Variants in ANKHD1 observed in about 807,000 individuals in gnomAD.
The protein encoded by ANKHD1 is ankyrin repeat and KH domain-containing protein 1.
In ANKHD1, 31 loss-of-function variants were observed where a neutral mutation model predicts 230.5. The ratio of observed to expected loss-of-function variants is 0.13; its 90% CI spans 0.10 to 0.18. The LOEUF (loss-of-function observed/expected upper bound fraction) is 0.18. Among genes scored for constraint, ANKHD1 ranks in the 10% least tolerant of loss-of-function variants. The pLI, the probability that ANKHD1 is intolerant of heterozygous loss-of-function variation, is 1.00. For synonymous variants in ANKHD1, 1,074 were observed against 1,117.6 expected (o/e 0.96, Z 0.78); for missense variants, 2,256 against 3,071.3 (o/e 0.73, Z 6.27).
chr5:140,515,757 A>C (rs1423208564), intron 24 of ANKHD1, among the ~76,000 whole-genome samples: 1 of 152,210 alleles, frequency 6.6e-6, no homozygotes, highest in Non-Finnish European at 1.5e-5. Context: ...AAGGAAAACT[A>C]ACAAACAGAA....
intron 1 of ANKHD1, among the ~76,000 whole-genome samples, chr5:140,427,768 G>T (rs1214571021): frequency 2.6e-5 from 4 of 150,966 alleles, no homozygotes; most frequent in Admixed American, 1.3e-4. Context: ...CTGGCCGGGC[G>T]GGGGGCTGAT....
At chr5:140,429,240 C>A (rs1185747534) in intron 1 of ANKHD1, among the ~76,000 whole-genome samples, 1 of 151,314 alleles carries the variant, frequency 6.6e-6, no homozygotes, top group Non-Finnish European at 1.5e-5. Flanking sequence ...ACTACAGGCG[C>A]CTGCCACCAC....
rs751828629 is a variant in ANKHD1, at chr5:140,527,833, A to G, written c.5088-40A>G. On this transcript the variant is annotated intron_variant, in intron 27 of 33. Coordinates refer to ENST00000360839, the MANE Select transcript of ANKHD1 (RefSeq NM_017747.3). This position sits in a 1 kb window ranked among gnomAD's most constrained non-coding sequence, Gnocchi z 4.5. ...AAGACATCTTTCTTAATAAAGAGACATTTAATTTCATAAGCTCATGTGTAT... is the reference window on the plus strand; with the variant it reads ...AAGACATCTTTCTTAATAAAGAGACGTTTAATTTCATAAGCTCATGTGTAT... The G allele has an allele frequency of 2.5e-6, 4 of 1,574,616 alleles. No homozygotes were observed. The highest frequency in any genetic ancestry group is 3.4e-6 in the Non-Finnish European group (4 of 1,160,072).
chr5:140,468,648 T>G (rs1467988079), intron 10 of ANKHD1, among the ~76,000 whole-genome samples: 1 of 152,178 alleles, frequency 6.6e-6, no homozygotes, highest in East Asian at 1.9e-4. Flanking sequence ...ATTGTGTATC[T>G]CTCTAGACAT....
At chr5:140,440,057 A>T in intron 3 of ANKHD1, 62 bp from the exon 4 acceptor site, 1 of 1,444,258 alleles carries the variant, frequency 6.9e-7, no homozygotes. Context: ...ATTTAATATA[A>T]TTTATCATAG....
chr5:140,491,957 T>A (rs1404901516), intron 14 of ANKHD1, among the ~76,000 whole-genome samples: 1 of 152,196 alleles, frequency 6.6e-6, no homozygotes, highest in Non-Finnish European at 1.5e-5. Context: ...TAAAGAGATG[T>A]TTTAAAAAAG....
At chr5:140,524,932 C>A in intron 25 of ANKHD1, 1 of 332,772 alleles carries the variant, frequency 3.0e-6, no homozygotes, top group Non-Finnish European at 6.0e-6. Context: ...AACCCCGTCT[C>A]TACTTAAAAA....
intron 1 of ANKHD1, among the ~76,000 whole-genome samples, chr5:140,424,139 A>G (rs971928820): frequency 4.6e-5 from 7 of 152,156 alleles, no homozygotes; most frequent in African/African-American, 1.7e-4. Flanking sequence ...CTTAGAACAT[A>G]TCAAGCTCTT....
chr5:140,533,574 C>G (rs758628814), intron 29 of ANKHD1, among the ~76,000 whole-genome samples: 1 of 151,582 alleles, frequency 6.6e-6, no homozygotes, highest in Non-Finnish European at 1.5e-5. Context: ...ACTCCAGCCT[C>G]GGCAACAGAG....
At chr5:140,427,795 C>T (rs1310527986) in intron 1 of ANKHD1, among the ~76,000 whole-genome samples, 9 of 151,380 alleles carry the variant, frequency 5.9e-5, no homozygotes, top group East Asian at 2.0e-4. Context: ...ACCTCCCTCC[C>T]GGACAGGGTG....
At chr5:140,503,807 C>T (rs1033186194) in intron 15 of ANKHD1, among the ~76,000 whole-genome samples, 6 of 151,698 alleles carry the variant, frequency 4.0e-5, no homozygotes, top group African/African-American at 1.5e-4. Flanking sequence ...CCCTCCTGAC[C>T]TGAGGTGATC....
intron 5 of ANKHD1, 35 bp downstream of exon 5, chr5:140,441,177 A>G (rs1353158776): frequency 1.4e-6 from 2 of 1,480,128 alleles, no homozygotes; most frequent in Non-Finnish European, 1.8e-6. Flanking sequence ...TGGGAGAAAA[A>G]ATTGACATAA....
intron 5 of ANKHD1, among the ~76,000 whole-genome samples, chr5:140,442,416 C>A (rs142416894): frequency 6.6e-6 from 1 of 151,938 alleles, no homozygotes; most frequent in Non-Finnish European, 1.5e-5. Flanking sequence ...TTTTTCCACA[C>A]GTGGGGGAGG....
intron 5 of ANKHD1, among the ~76,000 whole-genome samples, chr5:140,444,185 C>T (rs527592782): frequency 6.5e-4 from 97 of 149,496 alleles, no homozygotes; most frequent in African/African-American, 2.0e-3. Context: ...TGGGCTCCTC[C>T]GTACACTCTC....
chr5:140,443,822 G>A (rs1357434488), intron 5 of ANKHD1, among the ~76,000 whole-genome samples: 1 of 152,050 alleles, frequency 6.6e-6, no homozygotes, highest in African/African-American at 2.4e-5. Context: ...CTAACTTTAA[G>A]CCAAACAGTA....
intron 10 of ANKHD1, among the ~76,000 whole-genome samples, chr5:140,472,806 T>C (rs1165041628): frequency 6.6e-6 from 1 of 152,156 alleles, no homozygotes; most frequent in Non-Finnish European, 1.5e-5. Context: ...AATTGTCTCC[T>C]ACTATTCTGA....
chr5:140,534,069 A>T (rs1200922543), intron 29 of ANKHD1, among the ~76,000 whole-genome samples: 1 of 152,186 alleles, frequency 6.6e-6, no homozygotes, highest in East Asian at 1.9e-4. Context: ...GCAAATCTAT[A>T]GAGACAGAAA....
chr5:140,485,884 T>C lies in ANKHD1; in HGVS notation c.2142+152T>C, dbSNP rs895077452. On this transcript the variant is annotated intron_variant, in intron 13 of 33. Coordinates refer to ENST00000360839, the MANE Select transcript of ANKHD1 (RefSeq NM_017747.3). The surrounding 1 kb of genome is among the most constrained non-coding windows in gnomAD (Gnocchi z 4.8). ...GACTCTAAATTCTTTAGGATTTATT[T>C]TCTTTAAAGGTACACTGAAATTTGT... is the stretch of plus-strand genomic sequence containing the variant. The C allele has an allele frequency of 2.5e-6, 3 of 1,221,300 alleles. No individual in the cohort carries two copies. The highest frequency in any genetic ancestry group is 2.4e-4 in the Middle Eastern group (1 of 4,178). 75.7% of individuals were successfully genotyped at this position (1,221,300 alleles called of 1,614,324 possible). A position where few individuals can be genotyped will look rare whatever the true frequency, so the allele number is the denominator to read the frequency against.
chr5:140,518,572 T>C (rs1194468752), intron 24 of ANKHD1, among the ~76,000 whole-genome samples: 1 of 151,686 alleles, frequency 6.6e-6, no homozygotes, highest in Non-Finnish European at 1.5e-5. Context: ...CAGCAGCACA[T>C]CAAAAAGCTT....
Sources: gnomAD v4.1 joint callset for allele counts (sites outside exome capture counted in the v4.1 genomes callset) on GRCh38, gnomAD v4.1.1 for gene constraint, Gnocchi (gnomAD v3.1) non-coding constraint, MANE v1.5 for transcripts, NCBI Gene and HGNC (gene_info 2026-07-23, HGNC 2026-07-21) for gene names.